MMAB: variants seen among roughly 807,000 people sequenced by gnomAD.
MMAB encodes the protein metabolism of cobalamin associated B.
A neutral mutation model predicts 30.6 loss-of-function variants in MMAB; 17 were observed. That is an observed-to-expected ratio of 0.56 (90% CI 0.38 to 0.83). The LOEUF is 0.83. MMAB is among the 40% of genes least tolerant of loss of function. The pLI, the probability that MMAB is intolerant of heterozygous loss-of-function variation, is 0.00. For synonymous variants in MMAB, 134 were observed against 138.6 expected (o/e 0.97, Z 0.23); for missense variants, 311 against 331.6 (o/e 0.94, Z 0.48).
intron 1 of MMAB, 147 bp downstream of exon 1, chr12:109,573,200 G>T (rs1280803875): frequency 9.6e-7 from 1 of 1,044,650 alleles, no homozygotes; most frequent in Non-Finnish European, 1.4e-6. Context: ...CGCCCACGTG[G>T]CCCACGTTGC....
chr12:109,561,380 T>C lies in MMAB; in HGVS notation c.519+40A>G. ...GCCCATGTGTGTCTGTCACTGAACC[T>C]GCCTGCAGCCGCCCCCGGTTAAGCC... On this transcript the variant is annotated intron_variant, in intron 6 of 8. Transcript: ENST00000545712. This position sits in a 1 kb window ranked among gnomAD's most constrained non-coding sequence, Gnocchi z 5.3. 1 of 1,546,440 alleles carries C rather than the reference T, an allele frequency of 6.5e-7. No homozygotes were observed. The highest frequency in any genetic ancestry group is 1.4e-5 in the African/African-American group (1 of 73,128).
chr12:109,561,538 G>C lies in MMAB; in HGVS notation c.422-21C>G. On this transcript the variant is annotated intron_variant, in intron 5 of 8. Transcript: ENST00000545712. The surrounding 1 kb of genome is among the most constrained non-coding windows in gnomAD (Gnocchi z 5.3). ...ATACTCTGAGGAGCCAAGGAGCAGA[G>C]GGAACTGCCATGAGGCCATCACCCA... The C allele has an allele frequency of 6.5e-7, 1 of 1,540,330 alleles. No individual in the cohort carries two copies. The highest frequency in any genetic ancestry group is 8.8e-7 in the Non-Finnish European group (1 of 1,141,916).
At chr12:109,564,907 A>G (rs559088498) in intron 4 of MMAB, 2 of 657,344 alleles carry the variant, frequency 3.0e-6, no homozygotes, top group African/African-American at 1.8e-5. Flanking sequence ...GCCTCAAGTG[A>G]TCTTCCTGCC....
At chr12:109,570,873 C>CAAAAAGA in intron 2 of MMAB, among the ~76,000 whole-genome samples, 1 of 92,370 alleles carries the variant, frequency 1.1e-5, no homozygotes, top group East Asian at 3.7e-4. Context: ...AACCCTGTAT[C>CAAAAAGA]AAAAAAAAAA....
At position 109,554,866 on chromosome 12, in the gene MMAB, G is replaced by T. The variant is rs1170723340; in HGVS notation, c.*2162C>A. 2.2e-6 allele frequency: 1 copy of T among 453,930 alleles called. No homozygotes were observed. The highest frequency in any genetic ancestry group is 4.4e-6 in the Non-Finnish European group (1 of 226,596). The allele number at this position is 453,930 out of a possible 1,614,324, so 28.1% of individuals were successfully genotyped here. On this transcript the variant is annotated 3_prime_UTR_variant, in exon 9 of 9. Coordinates refer to ENST00000545712, the MANE Select transcript of MMAB (RefSeq NM_052845.4). ...CATTTTTCCCAGGTTGGTAGCACAG[G>T]AGAGAAACACCTGCTGAGTGGTGGC...
At chr12:109,562,525 T>C in intron 4 of MMAB, among the ~76,000 whole-genome samples, 1 of 152,152 alleles carries the variant, frequency 6.6e-6, no homozygotes, top group East Asian at 1.9e-4. Flanking sequence ...AGCAGCTGGG[T>C]TAAGCAGATG....
At position 109,556,162 on chromosome 12, in the gene MMAB, C is replaced by T. The variant is rs1293339903; in HGVS notation, c.*866G>A. 2.2e-6 allele frequency: 1 copy of T among 453,672 alleles called. No homozygotes were observed. Among genetic ancestry groups the T allele is most frequent in the Non-Finnish European group, 4.4e-6 (1 of 226,436 alleles). 28.1% of individuals were successfully genotyped at this position (453,672 alleles called of 1,614,324 possible). On this transcript the variant is annotated 3_prime_UTR_variant, in exon 9 of 9. Transcript: ENST00000545712. ...GCAGTGACAACTGAAATAAATACAG[C>T]CGTGGCACCGATCTCAGAGGCATAA...
At chr12:109,572,760 A>G (rs67151519) in intron 1 of MMAB, among the ~76,000 whole-genome samples, 198 of 152,332 alleles carry the variant, frequency 1.3e-3, no homozygotes, top group Admixed American at 3.7e-3. Flanking sequence ...GCAGGAAAAG[A>G]AACCTGAGCC....
Position 109,553,752 on chromosome 12 carries a change from A to ATT in MMAB, c.*3274_*3275dup, listed in dbSNP as rs1170076412. ...TCATGCGGAATTTATTATACAAAGA[A>ATT]TTTTATTCAATTAAACTTGAAATGC... On this transcript the variant is annotated 3_prime_UTR_variant, in exon 9 of 9. Coordinates refer to ENST00000545712, the MANE Select transcript of MMAB (RefSeq NM_052845.4). 4.8e-6 allele frequency: 2 copies of ATT among 418,620 alleles called. No individual in the cohort carries two copies. Among genetic ancestry groups the ATT allele is most frequent in the Non-Finnish European group, 9.6e-6 (2 of 207,472 alleles). 25.9% of individuals were successfully genotyped at this position (418,620 alleles called of 1,614,324 possible).
intron 1 of MMAB, among the ~76,000 whole-genome samples, chr12:109,572,411 ATTTTTT>A (rs34992643): frequency 2.7e-4 from 32 of 119,028 alleles, no homozygotes; most frequent in South Asian, 1.1e-3. Flanking sequence ...CACCCAGCTA[ATTTTTT>A]TTTTTTTTTT....
chr12:109,573,141 T>G, intron 1 of MMAB: 1 of 658,414 alleles, frequency 1.5e-6, no homozygotes, highest in African/African-American at 1.8e-5. Context: ...CCCTGCCCGA[T>G]GATAGCGGGA....
At chr12:109,559,892 C>G (rs1884130926) in intron 7 of MMAB, among the ~76,000 whole-genome samples, 3 of 152,236 alleles carry the variant, frequency 2.0e-5, no homozygotes, top group South Asian at 4.1e-4. Flanking sequence ...CTAGTGGGCA[C>G]CGCATGCTCA....
chr12:109,568,584 G>C, intron 3 of MMAB, 186 bp downstream of exon 3: 1 of 668,206 alleles, frequency 1.5e-6, no homozygotes, highest in Non-Finnish European at 2.7e-6. Context: ...AGGGCCAGAA[G>C]GGAAAGGAGT....
chr12:109,573,239 G>A, intron 1 of MMAB, 108 bp downstream of exon 1: 7 of 1,468,598 alleles, frequency 4.8e-6, no homozygotes, highest in Non-Finnish European at 4.7e-6. Context: ...GCGTGGAGAC[G>A]TCACCTGACG....
At chr12:109,562,069 G>A (rs1884233019) in intron 4 of MMAB, among the ~76,000 whole-genome samples, 1 of 152,172 alleles carries the variant, frequency 6.6e-6, no homozygotes, top group Non-Finnish European at 1.5e-5. Context: ...TTGGATCATT[G>A]GGGTAGTTTT....
Position 109,573,474 on chromosome 12 carries a change from C to G in MMAB, c.7G>C (p.Val3Leu). 6.2e-7 allele frequency: 1 copy of G among 1,603,830 alleles called. No individual in the cohort carries two copies. The change falls in exon 1 of 9, where the codon GTG becomes CTG. Residue 3 changes from valine to leucine, a missense_variant. Transcript: ENST00000545712. ...CCAAGACGGCTCCCCAGGCCGCACA[C>G]AGCCATGAGCCAGGCTGCTTGACGG... MAVCGLGSRLGLG... is the reference protein window; with the variant it reads MALCGLGSRLGLG...
rs945396521 is a variant in MMAB, at chr12:109,555,280, T to G, written c.*1748A>C. 11 of 219,330 alleles carry G rather than the reference T, an allele frequency of 5.0e-5. No homozygotes were observed. Among genetic ancestry groups the G allele is most frequent in the East Asian group, 1.6e-4 (2 of 12,266 alleles). The allele number at this position is 219,330 out of a possible 1,614,324, so 13.6% of individuals were successfully genotyped here. A position where few individuals can be genotyped will look rare whatever the true frequency, so the allele number is the denominator to read the frequency against. On this transcript the variant is annotated 3_prime_UTR_variant, in exon 9 of 9. Transcript: ENST00000545712. ...TTAGTGATTGCGTTTTCAGGGTTTT[T>G]TTTTTTTTTTTTTTTTTTTTGTGAC... is the stretch of plus-strand genomic sequence containing the variant.
At position 109,568,875 on chromosome 12, in the gene MMAB, A is replaced by G. The variant is rs776530765; in HGVS notation, c.197-12T>C. 1.0e-5 allele frequency: 16 copies of G among 1,591,898 alleles called. No individual in the cohort carries two copies. The highest frequency in any genetic ancestry group is 1.7e-4 in the Middle Eastern group (1 of 6,050). The stretch of plus-strand genomic sequence containing the variant: ...GGTACTAGAAAACCCTGTGGAAAAA[A>G]ATGTTTAGCCACCCAAATTAAGATT... On this transcript the variant is annotated splice_polypyrimidine_tract_variant and intron_variant, in intron 2 of 8. Transcript: ENST00000545712.
At chr12:109,564,847 T>C (rs1053573779) in intron 4 of MMAB, 56 of 561,976 alleles carry the variant, frequency 1.0e-4, no homozygotes, top group Non-Finnish European at 1.5e-4. Context: ...CCTGGCTAAT[T>C]TTCAAATATT....
Sources: gnomAD v4.1 joint callset for allele counts (sites outside exome capture counted in the v4.1 genomes callset) on GRCh38, gnomAD v4.1.1 for gene constraint, Gnocchi (gnomAD v3.1) non-coding constraint, MANE v1.5 for transcripts, NCBI Gene and HGNC (gene_info 2026-07-23, HGNC 2026-07-21) for gene names.